The following KIAA2013 variants were observed in gnomAD, a reference collection of about 807,000 sequenced individuals.
The protein encoded by KIAA2013 is KIAA2013.
KIAA2013 carries 20 observed loss-of-function variants against 39.9 expected under a neutral mutation model. That is an observed-to-expected ratio of 0.50 (90% CI 0.35 to 0.73). The LOEUF (loss-of-function observed/expected upper bound fraction) is 0.73. Ranked by LOEUF, KIAA2013 falls within the 30% of genes least tolerant of loss-of-function variation. KIAA2013 has a pLI of 0.01. For synonymous variants in KIAA2013, 336 were observed against 416.6 expected (o/e 0.81, Z 2.35); for missense variants, 587 against 856.1 (o/e 0.69, Z 3.92).
Position 11,923,365 on chromosome 1 carries a change from C to T in KIAA2013, c.1158G>A (p.Glu386=), listed in dbSNP as rs755580781. 1.2e-6 allele frequency: 2 copies of T among 1,613,388 alleles called. No individual in the cohort carries two copies. The highest frequency in any genetic ancestry group is 2.2e-5 in the East Asian group (1 of 44,880). The change falls in exon 2 of 3, where the codon GAG becomes GAA. Residue 386 remains glutamate, a synonymous_variant. Transcript: ENST00000376572. This position sits in a 1 kb window ranked among gnomAD's most constrained non-coding sequence, Gnocchi z 4.6. ...TGAGCGTCGACTCCATCTGGTCTCG[C>T]TCCCTGTGGCTCAGGGAGGGGCTGA... is the stretch of plus-strand genomic sequence containing the variant. ...PLLSPSLSHR[E]RDQMESTLNY...
At position 11,925,443 on chromosome 1, in the gene KIAA2013, G is replaced by A. The variant is rs146884117; in HGVS notation, c.795C>T (p.Ala265=). ...PTGLVHLVVV[A]AKKLVNRLQV... ...GGAGGCGGTTCACCAGCTTCTTGGC[G>A]GCCACCACCACCAGGTGCACCAACC... The change falls in exon 1 of 3, where the codon GCC becomes GCT. Residue 265 remains alanine (A), a synonymous_variant. Transcript: ENST00000376572. The surrounding 1 kb of genome is among the most constrained non-coding windows in gnomAD (Gnocchi z 5.2). 1.3e-4 allele frequency: 207 copies of A among 1,611,712 alleles called. No homozygotes were observed. The African/African-American group carries it at 2.4e-3, about 19-fold the overall frequency.
At position 11,925,109 on chromosome 1, in the gene KIAA2013, C is replaced by A. The variant is rs1374816322; in HGVS notation, c.1033+96G>T. 3.3e-6 allele frequency: 4 copies of A among 1,205,054 alleles called. No homozygotes were observed. The highest frequency in any genetic ancestry group is 3.2e-5 in the South Asian group (2 of 63,352). The allele number at this position is 1,205,054 out of a possible 1,614,324, so 74.6% of individuals were successfully genotyped here. On this transcript the variant is annotated intron_variant, in intron 1 of 2. Transcript: ENST00000376572. This position sits in a 1 kb window ranked among gnomAD's most constrained non-coding sequence, Gnocchi z 5.2. ...ATTCAACCACTGGTGAAACGCCAAG[C>A]CCAAGTTTCAACCACCCCACCATCA...
chr1:11,922,235 G>C (rs1242215095), intron 2 of KIAA2013: 4 of 567,404 alleles, frequency 7.0e-6, no homozygotes, highest in Middle Eastern at 5.4e-4. Flanking sequence ...TGTTGCCCCA[G>C]CTAGAGTGCA....
At position 11,925,168 on chromosome 1, in the gene KIAA2013, C is replaced by T. The variant is rs761010436; in HGVS notation, c.1033+37G>A. On this transcript the variant is annotated intron_variant, in intron 1 of 2. Transcript: ENST00000376572. This position sits in a 1 kb window ranked among gnomAD's most constrained non-coding sequence, Gnocchi z 5.2. ...GTCACCTCTGCAGACTTGGGAGGGA[C>T]ATATCTAGGGTGGACCAAGCGCTGG... 1.6e-5 allele frequency: 25 copies of T among 1,515,172 alleles called. 1 individual carries two copies. The South Asian group carries it at 2.9e-4, about 18-fold the overall frequency. 93.9% of individuals were successfully genotyped at this position (1,515,172 alleles called of 1,614,324 possible).
chr1:11,924,106 CTGA>C (rs1168867359), intron 1 of KIAA2013, among the ~76,000 whole-genome samples: 1 of 152,008 alleles, frequency 6.6e-6, no homozygotes, highest in East Asian at 1.9e-4. Context: ...CCCTTTGCTA[CTGA>C]TGGATTCAAC....
At position 11,925,341 on chromosome 1, in the gene KIAA2013, C is replaced by T. The variant is rs139321252; in HGVS notation, c.897G>A (p.Val299=). Residue 299 remains valine, a synonymous_variant, in exon 1 of 3, where the codon GTG becomes GTA. Transcript: ENST00000376572. The surrounding 1 kb of genome is among the most constrained non-coding windows in gnomAD (Gnocchi z 5.2). ...VHVSGPINPQ[V]LKSKAAKELK... ...GCTCCTTGGCTGCTTTGCTTTTGAGCACCTGGGGGTTAATGGGGCCAGAGA... is the reference window on the plus strand; with the variant it reads ...GCTCCTTGGCTGCTTTGCTTTTGAGTACCTGGGGGTTAATGGGGCCAGAGA... The T allele has an allele frequency of 1.8e-5, 29 of 1,613,948 alleles. No individual in the cohort carries two copies. Among genetic ancestry groups the T allele is most frequent in the Non-Finnish European group, 2.4e-5 (28 of 1,179,876 alleles).
At position 11,925,950 on chromosome 1, in the gene KIAA2013, G is replaced by A. The variant is rs775250194; in HGVS notation, c.288C>T (p.Gly96=). 6.0e-5 allele frequency: 93 copies of A among 1,539,176 alleles called. No individual in the cohort carries two copies. Among genetic ancestry groups the A allele is most frequent in the Non-Finnish European group, 7.7e-5 (89 of 1,150,460 alleles). The part of the protein sequence containing the change: ...GPGVPALVAN[G]FLALDVAANR... The stretch of plus-strand genomic sequence containing the variant: ...TGGCAGCCACGTCCAGGGCCAGGAA[G>A]CCGTTGGCCACCAGGGCCGGCACTC... The change falls in exon 1 of 3, where the codon GGC becomes GGT. Residue 96 remains glycine (G), a synonymous_variant. Coordinates refer to ENST00000376572, the MANE Select transcript of KIAA2013 (RefSeq NM_138346.3). This position sits in a 1 kb window ranked among gnomAD's most constrained non-coding sequence, Gnocchi z 5.2.
rs571452239 is a variant in KIAA2013, at chr1:11,921,636, G to A, written c.1887+1000C>T. ...ATGATCTCGGGTCACTGCAACCTCC[G>A]TCTCCCGGGTTCAAGCAATTCTCCT... is the stretch of plus-strand genomic sequence containing the variant. On this transcript the variant is annotated intron_variant, in intron 2 of 2. Coordinates refer to ENST00000376572, the MANE Select transcript of KIAA2013 (RefSeq NM_138346.3). Among the ~76,000 whole-genome samples the A allele has an allele frequency of 1.4e-3, 213 of 151,784 alleles. 1 individual carries two copies. Among genetic ancestry groups the A allele is most frequent in the South Asian group, 3.1e-3 (15 of 4,792 alleles).
intron 2 of KIAA2013, 36 bp from the exon 3 acceptor site, chr1:11,920,368 A>G (rs780664706): frequency 6.2e-7 from 1 of 1,612,596 alleles, no homozygotes; most frequent in South Asian, 1.1e-5. Context: ...ATTACTGTTC[A>G]CTGCCAACCC....
chr1:11,925,849 G>C lies in KIAA2013; in HGVS notation c.389C>G (p.Pro130Arg). 6.5e-7 allele frequency: 1 copy of C among 1,532,142 alleles called. No individual in the cohort carries two copies. Among genetic ancestry groups the C allele is most frequent in the South Asian group, 1.2e-5 (1 of 84,020 alleles). The allele number at this position is 1,532,142 out of a possible 1,614,324, so 94.9% of individuals were successfully genotyped here. Residue 130 changes from proline to arginine, a missense_variant, in exon 1 of 3, where the codon CCG becomes CGG. Physicochemically the swap from Pro to Arg is moderately radical, Grantham distance 103. Transcript: ENST00000376572. This position sits in a 1 kb window ranked among gnomAD's most constrained non-coding sequence, Gnocchi z 5.2. ...TCCAGCTTCAGCCAGCGCGCTCAGC[G>C]GGCGCAGCTGCACGAAGGGCACAAA... ...PDFVPFVQLRPLSALAEAGEA... is the reference protein window; with the variant it reads ...PDFVPFVQLRRLSALAEAGEA...
At chr1:11,922,481 C>T (rs1349316083) in intron 2 of KIAA2013, 155 bp downstream of exon 2, 3 of 1,494,062 alleles carry the variant, frequency 2.0e-6, no homozygotes, top group Non-Finnish European at 2.7e-6. Context: ...CCTCTCAAAA[C>T]ACTTGTGCGC....
rs8247 is a variant in KIAA2013, at chr1:11,919,812, C to A, written c.*503G>T. ...GCAGCACAGCCACCCTGGGGGGCCC[C>A]GGCCCAGCCTCGGGACCGTGGGGCC... On this transcript the variant is annotated 3_prime_UTR_variant, in exon 3 of 3. Transcript: ENST00000376572. The A allele has an allele frequency of 2.8e-5, 5 of 180,768 alleles. No homozygotes were observed. The South Asian group carries it at 5.5e-4, about 20-fold the overall frequency. 11.2% of individuals were successfully genotyped at this position (180,768 alleles called of 1,614,324 possible).
rs765530768 is a variant in KIAA2013, at chr1:11,922,849, G to A, written c.1674C>T (p.Ser558=). The change falls in exon 2 of 3, where the codon TCC becomes TCT. Residue 558 remains serine, a synonymous_variant. Transcript: ENST00000376572. The part of the protein sequence containing the change: ...TQPITPLLYI[S]TDLTHLQDLR... ...GGTCCTGCAGGTGTGTGAGGTCGGT[G>A]GAGATGTAGAGCAGTGGCGTGATGG... The A allele has an allele frequency of 1.2e-5, 20 of 1,612,354 alleles. No homozygotes were observed. In the Admixed American group the frequency reaches 2.3e-4, roughly 19 times the overall value.
chr1:11,922,533 C>T (rs1645480617), intron 2 of KIAA2013, 103 bp downstream of exon 2: 3 of 1,555,564 alleles, frequency 1.9e-6, no homozygotes, highest in Middle Eastern at 1.7e-4. Flanking sequence ...GACACCCATT[C>T]CTGCCCAGGC....
Position 11,920,108 on chromosome 1 carries a change from G to C in KIAA2013, c.*207C>G. The stretch of plus-strand genomic sequence containing the variant: ...TTTATTGAGTGGAAAGCTTACAAAA[G>C]GTCCACTGGCCCCTTCCCTCCCCAC... On this transcript the variant is annotated 3_prime_UTR_variant, in exon 3 of 3. Coordinates refer to ENST00000376572, the MANE Select transcript of KIAA2013 (RefSeq NM_138346.3). The C allele has an allele frequency of 1.6e-6, 1 of 632,800 alleles. No homozygotes were observed. Among genetic ancestry groups the C allele is most frequent in the Non-Finnish European group, 2.8e-6 (1 of 352,814 alleles). 39.2% of individuals were successfully genotyped at this position (632,800 alleles called of 1,614,324 possible).
rs772811726 is a variant in KIAA2013, at chr1:11,922,821, G to A, written c.1702C>T (p.Arg568Trp). ...ATGGCCTTGAGGTGCAGCGTGTGCCGCAGGTCCTGCAGGTGTGTGAGGTCG... is the reference window on the plus strand; with the variant it reads ...ATGGCCTTGAGGTGCAGCGTGTGCCACAGGTCCTGCAGGTGTGTGAGGTCG... ...STDLTHLQDL[R>W]HTLHLKAILA... Residue 568 changes from arginine (R) to tryptophan (W), a missense_variant, in exon 2 of 3, where the codon CGG (arginine) becomes TGG (tryptophan). Physicochemically the swap from Arg to Trp is moderately radical, Grantham distance 101. Coordinates refer to ENST00000376572, the MANE Select transcript of KIAA2013 (RefSeq NM_138346.3). 6.8e-6 allele frequency: 11 copies of A among 1,611,772 alleles called. No individual in the cohort carries two copies. Among genetic ancestry groups the A allele is most frequent in the Middle Eastern group, 1.7e-4 (1 of 5,996 alleles).
Position 11,920,017 on chromosome 1 carries a change from G to A in KIAA2013, c.*298C>T, listed in dbSNP as rs1246385276. 4 of 474,160 alleles carry A rather than the reference G, an allele frequency of 8.4e-6. No individual in the cohort carries two copies. Among genetic ancestry groups the A allele is most frequent in the Non-Finnish European group, 1.5e-5 (4 of 266,986 alleles). 29.4% of individuals were successfully genotyped at this position (474,160 alleles called of 1,614,324 possible). On this transcript the variant is annotated 3_prime_UTR_variant, in exon 3 of 3. Transcript: ENST00000376572. ...TTTTCAAAAGATGATCTATTTCCTG[G>A]GACAGAAGAAAGGGGGAAAGTGGAA...
In KIAA2013 at chr1:11,923,589, C is replaced by A; in HGVS notation, c.1034-100G>T. On this transcript the variant is annotated intron_variant, in intron 1 of 2. Coordinates refer to ENST00000376572, the MANE Select transcript of KIAA2013 (RefSeq NM_138346.3). The surrounding 1 kb of genome is among the most constrained non-coding windows in gnomAD (Gnocchi z 4.6). ...GGCAGCAGAAGAGTGAGGTGTTGTG[C>A]CTTAATGATAAAGACAGTGGTGCCC... 2 of 1,261,784 alleles carry A rather than the reference C, an allele frequency of 1.6e-6. No individual in the cohort carries two copies. The highest frequency in any genetic ancestry group is 1.3e-5 in the South Asian group (1 of 74,356). The allele number at this position is 1,261,784 out of a possible 1,614,324, so 78.2% of individuals were successfully genotyped here. A position where few individuals can be genotyped will look rare whatever the true frequency, so the allele number is the denominator to read the frequency against.
rs534692679 is a variant in KIAA2013, at chr1:11,925,365, G to A, written c.873C>T (p.Val291=). The change falls in exon 1 of 3, where the codon GTC becomes GTT. Residue 291 remains valine (V), a synonymous_variant. Coordinates refer to ENST00000376572, the MANE Select transcript of KIAA2013 (RefSeq NM_138346.3). The surrounding 1 kb of genome is among the most constrained non-coding windows in gnomAD (Gnocchi z 5.2). ...LDETVLWVVH[V]SGPINPQVLK... ...GCACCTGGGGGTTAATGGGGCCAGA[G>A]ACGTGCACCACCCACAGCACCGTCT... 3.3e-5 allele frequency: 54 copies of A among 1,613,952 alleles called. No homozygotes were observed. In the East Asian group the frequency reaches 4.7e-4, roughly 14 times the overall value.
Sources: allele counts gnomAD v4.1 joint callset (sites outside exome capture counted in the v4.1 genomes callset), GRCh38; gene constraint gnomAD v4.1.1; non-coding constraint Gnocchi (gnomAD v3.1); transcripts MANE v1.5; gene names NCBI Gene and HGNC (gene_info 2026-07-23, HGNC 2026-07-21).